FSTL4: variants seen among roughly 807,000 people sequenced by gnomAD.
FSTL4 encodes the protein follistatin-related protein 4.
In FSTL4, 28 loss-of-function variants were observed where a neutral mutation model predicts 78.2. That is an observed-to-expected ratio of 0.36 (90% CI 0.27 to 0.49). The LOEUF (loss-of-function observed/expected upper bound fraction) is 0.49, where lower values mean the gene tolerates loss of function less well. FSTL4 is among the 20% of genes least tolerant of loss of function. FSTL4 has a pLI of 0.98. For missense variants in FSTL4, 922 were observed against 1,084.9 expected, an observed-to-expected ratio of 0.85 and a Z score of 2.11; for synonymous variants, 422 against 440.5, an observed-to-expected ratio of 0.96 and a Z score of 0.53.
In FSTL4 at chr5:133,426,713, T is replaced by C. The variant is rs570129300; in HGVS notation, c.161-25727A>G. Among the ~76,000 whole-genome samples the C allele has an allele frequency of 5.3e-5, 8 of 152,242 alleles. No individual in the cohort carries two copies. The East Asian group carries it at 1.5e-3, about 29-fold the overall frequency. Reference sequence around the variant, plus strand: ...CTCTGGCTGGAGGCACAAGCCTCAGTCCTGTTATTTCCCAGGGAGACAGTC... The same window carrying C: ...CTCTGGCTGGAGGCACAAGCCTCAGCCCTGTTATTTCCCAGGGAGACAGTC... On this transcript the variant is annotated intron_variant, in intron 3 of 15. Transcript: ENST00000265342. The surrounding 1 kb of genome is among the most constrained non-coding windows in gnomAD (Gnocchi z 5.0).
Position 133,199,393 on chromosome 5 carries a change from G to A in FSTL4, c.2231C>T (p.Thr744Ile), listed in dbSNP as rs930389211. 1 of 1,614,214 alleles carries A rather than the reference G, an allele frequency of 6.2e-7. No individual in the cohort carries two copies. Among genetic ancestry groups the A allele is most frequent in the Non-Finnish European group, 8.5e-7 (1 of 1,180,044 alleles). Reference sequence around the variant, plus strand: ...GTAGATGTTGTATTGATTGCTTTCAGTGAAGGAGCGCTGGAAGGCCAAGTC... The same window carrying A: ...GTAGATGTTGTATTGATTGCTTTCAATGAAGGAGCGCTGGAAGGCCAAGTC... ...ISDLAFQRSF[T>I]ESNQYNIYAA... Residue 744 changes from threonine to isoleucine, a missense_variant, in exon 16 of 16, where the codon ACT becomes ATT. Transcript: ENST00000265342. The surrounding 1 kb of genome is among the most constrained non-coding windows in gnomAD (Gnocchi z 4.4).
At chr5:133,681,156 G>T in the FSTL4 span, among the ~76,000 whole-genome samples, 1 of 152,250 alleles carries the variant, frequency 6.6e-6, no homozygotes, top group Non-Finnish European at 1.5e-5. Flanking sequence ...GCAGGCAAAA[G>T]CCCCAGGCTT....
chr5:133,837,167 T>C, the FSTL4 span, among the ~76,000 whole-genome samples: 1 of 152,048 alleles, frequency 6.6e-6, no homozygotes, highest in Non-Finnish European at 1.5e-5. Flanking sequence ...CTACTGATCC[T>C]TCTTGCAGTT....
At chr5:133,519,970 C>T (rs895002591) in intron 3 of FSTL4, among the ~76,000 whole-genome samples, 1 of 152,074 alleles carries the variant, frequency 6.6e-6, no homozygotes, top group Non-Finnish European at 1.5e-5. Flanking sequence ...TAGAGTAGAC[C>T]GTGGGCAACT....
intron 3 of FSTL4, among the ~76,000 whole-genome samples, chr5:133,524,168 G>A (rs1200948313): frequency 6.6e-6 from 1 of 152,224 alleles, no homozygotes; most frequent in Non-Finnish European, 1.5e-5. Flanking sequence ...GGACAGGTCA[G>A]CGTGTCTGGA....
intron 3 of FSTL4, among the ~76,000 whole-genome samples, chr5:133,555,229 G>A (rs1229656117): frequency 6.6e-6 from 1 of 152,236 alleles, no homozygotes; most frequent in Non-Finnish European, 1.5e-5. Context: ...TGACAGATGA[G>A]AGAAGTCATC....
At chr5:133,323,751 C>T (rs1291023284) in intron 4 of FSTL4, among the ~76,000 whole-genome samples, 1 of 152,232 alleles carries the variant, frequency 6.6e-6, no homozygotes, top group African/African-American at 2.4e-5. Flanking sequence ...CCAGACCAGG[C>T]CTGCTTTGGC....
At chr5:133,274,635 C>T (rs909753477) in intron 6 of FSTL4, among the ~76,000 whole-genome samples, 2 of 152,130 alleles carry the variant, frequency 1.3e-5, no homozygotes, top group African/African-American at 4.8e-5. Context: ...GTGGTGTGCT[C>T]AGACCGCCCA....
At chr5:133,833,776 C>T in the FSTL4 span, among the ~76,000 whole-genome samples, 1 of 152,146 alleles carries the variant, frequency 6.6e-6, no homozygotes, top group Non-Finnish European at 1.5e-5. Context: ...CTTTTTTCCT[C>T]CTGTAAAACT....
chr5:133,213,865 C>G (rs1463063926), intron 13 of FSTL4, among the ~76,000 whole-genome samples: 1 of 151,902 alleles, frequency 6.6e-6, no homozygotes, highest in African/African-American at 2.4e-5. Flanking sequence ...AAAAGAGGAC[C>G]TTAAATATAA....
chr5:133,814,201 G>A, the FSTL4 span, among the ~76,000 whole-genome samples: 1 of 152,224 alleles, frequency 6.6e-6, no homozygotes, highest in Non-Finnish European at 1.5e-5. Flanking sequence ...GATGCAGTGA[G>A]TTTTTCCTGA....
chr5:133,517,447 A>AAAAAAAAAAACATATATATATATATAT (rs1554068019), intron 3 of FSTL4, among the ~76,000 whole-genome samples: 1 of 16,416 alleles, frequency 6.1e-5, no homozygotes. Context: ...AAAAAAAAAA[A>AAAAAAAAAAACATATATATATATATAT]ATATATATAT....
chr5:133,781,364 GTTGTGT>G, the FSTL4 span, among the ~76,000 whole-genome samples: 94 of 89,610 alleles, frequency 1.0e-3, no homozygotes, highest in African/African-American at 3.8e-3. Flanking sequence ...TTGTTAAGCG[GTTGTGT>G]GTGTGTGTGT....
intron 4 of FSTL4, among the ~76,000 whole-genome samples, chr5:133,399,218 C>G (rs144226812): frequency 6.6e-6 from 1 of 152,324 alleles, no homozygotes; most frequent in East Asian, 1.9e-4. Flanking sequence ...GCCAATAAAG[C>G]TGGAGCAACT....
the FSTL4 span, among the ~76,000 whole-genome samples, chr5:133,658,589 C>CA: frequency 6.6e-6 from 1 of 151,980 alleles, no homozygotes; most frequent in Non-Finnish European, 1.5e-5. Context: ...AGAACACTTC[C>CA]AGTTCATTTC....
rs189078959 is a variant in FSTL4 at position 133,212,847 on chromosome 5, G to A, written c.1609-2549C>T. 1.1e-4 allele frequency among the ~76,000 whole-genome samples: 17 copies of A among 151,818 alleles called. No homozygotes were observed. The East Asian group carries it at 1.9e-3, about 17-fold the overall frequency. Reference sequence around the variant, plus strand: ...CACATAATAAACTGCTAAAGATCACGGAGAAAAATCTGGAAAGTAGAGAAA... The same window carrying A: ...CACATAATAAACTGCTAAAGATCACAGAGAAAAATCTGGAAAGTAGAGAAA... On this transcript the variant is annotated intron_variant, in intron 13 of 15. Transcript: ENST00000265342.
Position 133,351,193 on chromosome 5 carries a change from T to C in FSTL4, c.410-34541A>G, listed in dbSNP as rs557843045. On this transcript the variant is annotated intron_variant, in intron 4 of 15. Transcript: ENST00000265342. ...TTATTCCATTGTGTTCTGGCATCTG[T>C]TGTGTTTTTTTTCTGTCTATATAAT... 1.3e-3 allele frequency among the ~76,000 whole-genome samples: 198 copies of C among 152,330 alleles called. 1 individual carries two copies. The highest frequency in any genetic ancestry group is 4.3e-3 in the African/African-American group (180 of 41,570).
intron 11 of FSTL4, among the ~76,000 whole-genome samples, chr5:133,223,496 G>T (rs1352319035): frequency 6.6e-6 from 1 of 152,192 alleles, no homozygotes; most frequent in Non-Finnish European, 1.5e-5. Flanking sequence ...GCCACAAGGG[G>T]ATTTGGACTC....
At chr5:133,280,636 G>T (rs998098318) in intron 6 of FSTL4, among the ~76,000 whole-genome samples, 1 of 152,150 alleles carries the variant, frequency 6.6e-6, no homozygotes, top group African/African-American at 2.4e-5. Context: ...CTGGTGTTTT[G>T]CCAGGGCTTA....
Sources: gnomAD v4.1 joint callset for allele counts (sites outside exome capture counted in the v4.1 genomes callset) on GRCh38, gnomAD v4.1.1 for gene constraint, Gnocchi (gnomAD v3.1) non-coding constraint, MANE v1.5 for transcripts, NCBI Gene and HGNC (gene_info 2026-07-23, HGNC 2026-07-21) for gene names.